The following CEP128 variants were observed in gnomAD, a reference collection of about 807,000 sequenced individuals.
The protein encoded by CEP128 is centrosomal protein 128, also known as centrosomal protein 128kDa.
A neutral mutation model predicts 156.7 loss-of-function variants in CEP128; 132 were observed. That is an observed-to-expected ratio of 0.84 (90% CI 0.73 to 0.97). The LOEUF (loss-of-function observed/expected upper bound fraction) is 0.97, where lower values mean the gene tolerates loss of function less well. Among genes scored for constraint, CEP128 ranks in the 50% least tolerant of loss-of-function variants. CEP128 has a pLI of 0.00. For synonymous variants in CEP128, 469 were observed against 448.9 expected (o/e 1.04, Z -0.57); for missense variants, 1,252 against 1,281.9 (o/e 0.98, Z 0.36).
intron 4 of CEP128, 89 bp from the exon 5 acceptor site, chr14:80,906,170 G>T: frequency 9.7e-7 from 1 of 1,034,738 alleles, no homozygotes; most frequent in South Asian, 2.5e-5. Flanking sequence ...AGCTATTTCT[G>T]AAATATCTGG....
At chr14:80,775,465 ATATAAGCATGTTTGCGTGTG>A (rs1900738777) in intron 16 of CEP128, among the ~76,000 whole-genome samples, 1 of 152,234 alleles carries the variant, frequency 6.6e-6, no homozygotes, top group African/African-American at 2.4e-5. Flanking sequence ...ACTACATATA[ATATAAGCATGTTTGCGTGTG>A]TATCGTTAAG....
intron 19 of CEP128, among the ~76,000 whole-genome samples, chr14:80,656,002 G>A (rs1164626446): frequency 8.6e-5 from 13 of 151,742 alleles, no homozygotes; most frequent in Non-Finnish European, 1.5e-5. Flanking sequence ...GGAAGGCTTT[G>A]CTGACCTTCT....
chr14:80,848,130 C>T (rs1886700193), intron 9 of CEP128, among the ~76,000 whole-genome samples: 1 of 152,120 alleles, frequency 6.6e-6, no homozygotes, highest in African/African-American at 2.4e-5. Flanking sequence ...AGAAAACATA[C>T]AACAGTGCAA....
At position 80,823,316 on chromosome 14, in the gene CEP128, T is replaced by C. The variant is rs181205869; in HGVS notation, c.1209+7827A>G. Among the ~76,000 whole-genome samples, 314 of 152,326 alleles carry C rather than the reference T, an allele frequency of 2.1e-3. 1 individual carries two copies. The highest frequency in any genetic ancestry group is 7.3e-3 in the African/African-American group (302 of 41,576). On this transcript the variant is annotated intron_variant, in intron 13 of 24. Coordinates refer to ENST00000555265, the MANE Select transcript of CEP128 (RefSeq NM_152446.5). ...TCGAGATTGCGGATCTTCAGATAAA[T>C]TCTGCCACTTTCATTTCACTTCCTG...
Position 80,838,194 on chromosome 14 carries a change from A to G in CEP128, c.924+10T>C. 6.3e-7 allele frequency: 1 copy of G among 1,592,556 alleles called. No homozygotes were observed. The highest frequency in any genetic ancestry group is 8.6e-7 in the Non-Finnish European group (1 of 1,160,820). On this transcript the variant is annotated intron_variant, in intron 11 of 24. Transcript: ENST00000555265. Reference sequence around the variant, plus strand: ...GTAAAAGTATATTATAATAACTTGCATAGACTTACCTGATGCAAAAGTGTT... The same window carrying G: ...GTAAAAGTATATTATAATAACTTGCGTAGACTTACCTGATGCAAAAGTGTT...
intron 21 of CEP128, among the ~76,000 whole-genome samples, chr14:80,543,893 C>A (rs1889871154): frequency 6.6e-6 from 1 of 152,160 alleles, no homozygotes; most frequent in South Asian, 2.1e-4. Context: ...CTTTACCAGA[C>A]ACATTAGTAA....
chr14:80,816,941 T>C (rs1316265397), intron 13 of CEP128, among the ~76,000 whole-genome samples: 1 of 147,094 alleles, frequency 6.8e-6, no homozygotes, highest in Non-Finnish European at 1.5e-5. Context: ...TGGCACAATG[T>C]ATGTGCTACG....
At chr14:80,867,899 TGAAACGCACAA>T (rs1232864150) in intron 8 of CEP128, among the ~76,000 whole-genome samples, 38 of 152,178 alleles carry the variant, frequency 2.5e-4, no homozygotes, top group Middle Eastern at 3.4e-3. Context: ...GAGATCTTAC[TGAAACGCACAA>T]TAATCAAATT....
intron 19 of CEP128, 120 bp from the exon 20 acceptor site, chr14:80,580,543 T>C (rs935296272): frequency 1.0e-4 from 66 of 628,720 alleles, no homozygotes; most frequent in Non-Finnish European, 1.6e-4. Flanking sequence ...GAATTTAATG[T>C]TTAAGTGTGA....
intron 2 of CEP128, among the ~76,000 whole-genome samples, chr14:80,927,987 A>G (rs1459025073): frequency 6.6e-6 from 1 of 152,222 alleles, no homozygotes; most frequent in Non-Finnish European, 1.5e-5. Context: ...GAAAGCCATC[A>G]CACAAAGATT....
intron 23 of CEP128, among the ~76,000 whole-genome samples, chr14:80,512,195 T>C (rs1265706228): frequency 6.6e-6 from 1 of 152,092 alleles, no homozygotes; most frequent in Admixed American, 6.5e-5. Flanking sequence ...TTTTATTGTA[T>C]TGGTATCTTT....
At chr14:80,632,476 A>G (rs973269179) in intron 19 of CEP128, among the ~76,000 whole-genome samples, 2 of 148,834 alleles carry the variant, frequency 1.3e-5, no homozygotes, top group Admixed American at 1.4e-4. Flanking sequence ...GATATATACT[A>G]TACATTCTAG....
downstream of CEP128, among the ~76,000 whole-genome samples, chr14:80,489,274 A>T (rs1887245410): frequency 6.6e-6 from 1 of 150,780 alleles, no homozygotes; most frequent in Non-Finnish European, 1.5e-5. Flanking sequence ...AGCTAAAAAA[A>T]AAAAAAAAAA....
chr14:80,911,092 A>G (rs1028756769), intron 4 of CEP128, among the ~76,000 whole-genome samples: 4 of 152,260 alleles, frequency 2.6e-5, no homozygotes, highest in African/African-American at 9.6e-5. Context: ...AATGAACTCA[A>G]AAAGAATGCA....
At chr14:80,891,384 G>A (rs1479285322) in intron 8 of CEP128, among the ~76,000 whole-genome samples, 1 of 151,980 alleles carries the variant, frequency 6.6e-6, no homozygotes, top group African/African-American at 2.4e-5. Context: ...AAAAAAAGAT[G>A]AGGTCCTGTG....
At chr14:80,796,520 C>T (rs979147168) in intron 13 of CEP128, among the ~76,000 whole-genome samples, 1 of 152,064 alleles carries the variant, frequency 6.6e-6, no homozygotes, top group Non-Finnish European at 1.5e-5. Flanking sequence ...TTAATAACCC[C>T]TTGCTCATTC....
intron 16 of CEP128, among the ~76,000 whole-genome samples, chr14:80,762,524 T>C (rs568877856): frequency 2.0e-5 from 3 of 152,282 alleles, no homozygotes; most frequent in African/African-American, 7.2e-5. Context: ...CATTAAGAAT[T>C]AATCATGAAA....
At chr14:80,506,293 C>T (rs1056929223) in intron 23 of CEP128, among the ~76,000 whole-genome samples, 2 of 145,300 alleles carry the variant, frequency 1.4e-5, no homozygotes, top group Admixed American at 7.1e-5. Context: ...CTGGGGGAAG[C>T]GATTACAGTG....
At chr14:80,495,107 G>C (rs565539560), downstream of CEP128, among the ~76,000 whole-genome samples, 1 of 152,156 alleles carries the variant, frequency 6.6e-6, no homozygotes, top group Non-Finnish European at 1.5e-5. Flanking sequence ...TATTGGACCA[G>C]GCTTACTGCA....
Sources: gnomAD v4.1 joint callset for allele counts (sites outside exome capture counted in the v4.1 genomes callset) on GRCh38, gnomAD v4.1.1 for gene constraint, MANE v1.5 for transcripts, NCBI Gene and HGNC (gene_info 2026-07-23, HGNC 2026-07-21) for gene names.